The following TDP2 variants were observed in gnomAD, a reference collection of about 807,000 sequenced individuals.
TDP2 encodes the protein tyrosyl-DNA phosphodiesterase 2, also known as 5'-Tyr-DNA phosphodiesterase.
In TDP2, 38 loss-of-function variants were observed where a neutral mutation model predicts 42.8. That is an observed-to-expected ratio of 0.89 (90% CI 0.68 to 1.16). The LOEUF is 1.16. Among genes scored for constraint, TDP2 ranks in the 50% most tolerant of loss-of-function variants. The pLI, the probability that TDP2 is intolerant of heterozygous loss-of-function variation, is 0.00. For synonymous variants in TDP2, 173 were observed against 150.6 expected, an observed-to-expected ratio of 1.15 and a Z score of -1.09; for missense variants, 439 against 439.3, an observed-to-expected ratio of 1.00 and a Z score of 0.01.
rs553172635 is a variant in TDP2 at position 24,651,540 on chromosome 6, T to TA, written c.808-472dup. Among the ~76,000 whole-genome samples, 14 of 152,234 alleles carry TA rather than the reference T, an allele frequency of 9.2e-5. No homozygotes were observed. In the East Asian group the frequency reaches 1.9e-3, roughly 21 times the overall value. ...GTTTGCTCATTCACACTCCAGGATTTAAAAAAATTGTTTGCGGTAAAATAT... is the reference window on the plus strand; with the variant it reads ...GTTTGCTCATTCACACTCCAGGATTTAAAAAAAATTGTTTGCGGTAAAATAT... On this transcript the variant is annotated intron_variant, in intron 6 of 6. Coordinates refer to ENST00000378198, the MANE Select transcript of TDP2 (RefSeq NM_016614.3).
chr6:24,659,046 C>T (rs1486157626), intron 2 of TDP2: 1 of 216,116 alleles, frequency 4.6e-6, no homozygotes, highest in Non-Finnish European at 9.1e-6. Flanking sequence ...TTTGTTTAAG[C>T]ATTGCTTAAG....
At chr6:24,656,522 G>T (rs1478556390) in intron 4 of TDP2, among the ~76,000 whole-genome samples, 3 of 151,994 alleles carry the variant, frequency 2.0e-5, no homozygotes, top group Non-Finnish European at 2.9e-5. Context: ...AAATTCCACA[G>T]AATAAAAGTT....
At chr6:24,659,775 G>A (rs1778112879) in intron 2 of TDP2, among the ~76,000 whole-genome samples, 2 of 152,144 alleles carry the variant, frequency 1.3e-5, no homozygotes, top group African/African-American at 4.8e-5. Context: ...GACCTTAGTA[G>A]CTTGCTTACT....
chr6:24,666,764 G>C lies in TDP2; in HGVS notation c.99C>G (p.Ala33=). 1.9e-6 allele frequency: 3 copies of C among 1,614,262 alleles called. No individual in the cohort carries two copies. Among genetic ancestry groups the C allele is most frequent in the Non-Finnish European group, 2.5e-6 (3 of 1,180,042 alleles). ...KKRRLLCVEF[A]SVASCDAAVA... is the part of the protein sequence containing the mutation. ...CTGCGGCATCGCAGCTTGCGACCGA[G>C]GCAAACTCCACACACAGAAGTCGCC... The change falls in exon 1 of 7, where the codon GCC becomes GCG. Residue 33 remains alanine, a synonymous_variant. Coordinates refer to ENST00000378198, the MANE Select transcript of TDP2 (RefSeq NM_016614.3).
rs1161319410 is a variant in TDP2 at position 24,654,160 on chromosome 6, ATTACT to A, written c.636+247_636+251del. ...CATGTATAGAGTAGAAAGTAAAAAC[ATTACT>A]TTAGGAAGCAAATGTGGAATGTCAG... On this transcript the variant is annotated intron_variant, in intron 5 of 6. Coordinates refer to ENST00000378198, the MANE Select transcript of TDP2 (RefSeq NM_016614.3). Among the ~76,000 whole-genome samples, 5 of 152,320 alleles carry A rather than the reference ATTACT, an allele frequency of 3.3e-5. No homozygotes were observed. In the South Asian group the frequency reaches 6.2e-4, roughly 19 times the overall value.
intron 2 of TDP2, among the ~76,000 whole-genome samples, chr6:24,663,093 T>C (rs1207367235): frequency 4.6e-5 from 7 of 152,164 alleles, no homozygotes; most frequent in Non-Finnish European, 1.0e-4. Flanking sequence ...CCTCAACAGG[T>C]GGACTGTCAT....
chr6:24,661,920 A>T (rs1293542383), intron 2 of TDP2, among the ~76,000 whole-genome samples: 1 of 152,188 alleles, frequency 6.6e-6, no homozygotes, highest in African/African-American at 2.4e-5. Context: ...TTCTGCCTTG[A>T]GGTGCTGTTA....
In TDP2 at chr6:24,666,080, G is replaced by C. The variant is rs765874704; in HGVS notation, c.251+446C>G. On this transcript the variant is annotated intron_variant, in intron 2 of 6. Transcript: ENST00000378198. ...GGAGAGGGGCACTGAAATAACAGGA[G>C]TAGGTGTGCATTAAAAAAAAATAAC... The C allele has an allele frequency of 3.9e-6, 6 of 1,538,598 alleles. No homozygotes were observed. In the South Asian group the frequency reaches 6.1e-5, roughly 16 times the overall value.
intron 4 of TDP2, among the ~76,000 whole-genome samples, chr6:24,656,339 G>A (rs570127921): frequency 2.6e-5 from 4 of 151,976 alleles, no homozygotes; most frequent in South Asian, 2.1e-4. Flanking sequence ...GAGATCCACC[G>A]TTTAACAGAG....
At position 24,650,810 on chromosome 6, in the gene TDP2, C is replaced by T. The variant is rs747265150; in HGVS notation, c.1067G>A (p.Cys356Tyr). Residue 356 changes from cysteine to tyrosine, a missense_variant, in exon 7 of 7, where the codon TGC becomes TAC. Transcript: ENST00000378198. ...RFPSDHWGLLCNLDIIL is the reference protein window; with the variant it reads ...RFPSDHWGLLYNLDIIL ...ATTTTACAATATTATATCTAAGTTG[C>T]ACAGAAGACCCCAGTGATCACTAGG... 3 of 1,613,880 alleles carry T rather than the reference C, an allele frequency of 1.9e-6. No individual in the cohort carries two copies. The highest frequency in any genetic ancestry group is 1.3e-5 in the African/African-American group (1 of 74,898).
At chr6:24,665,677 A>G (rs950629698) in intron 2 of TDP2, among the ~76,000 whole-genome samples, 9 of 152,254 alleles carry the variant, frequency 5.9e-5, no homozygotes, top group Admixed American at 3.3e-4. Flanking sequence ...CTAGATGTGC[A>G]GTCTAGTAGG....
In TDP2 at chr6:24,653,135, C is replaced by T; in HGVS notation, c.655G>A (p.Glu219Lys). 6.2e-7 allele frequency: 1 copy of T among 1,614,146 alleles called. No homozygotes were observed. Among genetic ancestry groups the T allele is most frequent in the Non-Finnish European group, 8.5e-7 (1 of 1,180,012 alleles). ...AAATGGGATGTCATAAGGCAAAGCT[C>T]ATTTCCTGACACGTTCACCTGCAGC... ...LCVHVNVSGN[E>K]LCLMTSHLES... Residue 219 changes from glutamate to lysine, a missense_variant, in exon 6 of 7, where the codon GAG (glutamate) becomes AAG (lysine). Glu to Lys is a moderately conservative substitution (Grantham distance 56, BLOSUM62 1). Transcript: ENST00000378198.
Position 24,650,785 on chromosome 6 carries a change from A to G in TDP2, c.*3T>C. 6.2e-7 allele frequency: 1 copy of G among 1,611,982 alleles called. No homozygotes were observed. Among genetic ancestry groups the G allele is most frequent in the Non-Finnish European group, 8.5e-7 (1 of 1,178,698 alleles). ...AGGGCAAAACCCACACTTGAAAAGC[A>G]TTTTACAATATTATATCTAAGTTGC... On this transcript the variant is annotated 3_prime_UTR_variant, in exon 7 of 7. Coordinates refer to ENST00000378198, the MANE Select transcript of TDP2 (RefSeq NM_016614.3).
intron 4 of TDP2, among the ~76,000 whole-genome samples, chr6:24,657,500 CATA>C (rs17249673): frequency 0.39 from 59,373 of 151,778 alleles, 12,591 homozygotes; most frequent in Non-Finnish European, 0.5. Flanking sequence ...TTTGAAAAAG[CATA>C]ATAACCACAA....
chr6:24,652,698 A>G (rs1402904047), intron 6 of TDP2, among the ~76,000 whole-genome samples: 2 of 151,662 alleles, frequency 1.3e-5, no homozygotes, highest in Admixed American at 1.3e-4. Flanking sequence ...TTCTACAATC[A>G]TTTTCTCTAC....
intron 3 of TDP2, among the ~76,000 whole-genome samples, 176 bp downstream of exon 3, chr6:24,658,385 C>T (rs1292616199): frequency 1.3e-5 from 2 of 152,176 alleles, no homozygotes; most frequent in Non-Finnish European, 2.9e-5. Flanking sequence ...AATTAGTGTT[C>T]CCTCTTTGCT....
Position 24,653,159 on chromosome 6 carries a change from G to A in TDP2, c.637-6C>T, listed in dbSNP as rs963853657. The A allele has an allele frequency of 5.0e-6, 8 of 1,613,752 alleles. No homozygotes were observed. The highest frequency in any genetic ancestry group is 5.9e-6 in the Non-Finnish European group (7 of 1,179,758). On this transcript the variant is annotated splice_polypyrimidine_tract_variant and splice_region_variant and intron_variant, in intron 5 of 6. Transcript: ENST00000378198. ...TCATTTCCTGACACGTTCACCTGCA[G>A]CAGGACAAACAGTCATTAAAACTGT...
At chr6:24,658,443 T>C (rs1778090650) in intron 3 of TDP2, 118 bp downstream of exon 3, 1 of 743,248 alleles carries the variant, frequency 1.3e-6, no homozygotes, top group Non-Finnish European at 2.0e-6. Context: ...ATTCTTCAGA[T>C]GTTTCTTCTC....
At position 24,650,240 on chromosome 6, in the gene TDP2, G is replaced by A. The variant is rs971789119; in HGVS notation, c.*548C>T. On this transcript the variant is annotated 3_prime_UTR_variant, in exon 7 of 7. Transcript: ENST00000378198. ...AAACATGAATCAAAAAGGAGTTAAGGAATTTTAAGCCATAAGGTTTCAATT... is the reference window on the plus strand; with the variant it reads ...AAACATGAATCAAAAAGGAGTTAAGAAATTTTAAGCCATAAGGTTTCAATT... The A allele has an allele frequency of 6.6e-6, 1 of 152,408 alleles. No homozygotes were observed. Among genetic ancestry groups the A allele is most frequent in the African/African-American group, 2.4e-5 (1 of 41,406 alleles). The allele number at this position is 152,408 out of a possible 1,614,324, so 9.4% of individuals were successfully genotyped here.
Sources: gnomAD v4.1 joint callset for allele counts (sites outside exome capture counted in the v4.1 genomes callset) on GRCh38, gnomAD v4.1.1 for gene constraint, MANE v1.5 for transcripts, NCBI Gene and HGNC (gene_info 2026-07-23, HGNC 2026-07-21) for gene names.